PLEKHA8: variants seen among roughly 807,000 people sequenced by gnomAD.
PLEKHA8 encodes the protein pleckstrin homology domain-containing family A member 8.
PLEKHA8 carries 36 observed loss-of-function variants against 68.2 expected under a neutral mutation model. The ratio of observed to expected loss-of-function variants is 0.53; its 90% confidence interval spans 0.40 to 0.70. The LOEUF (loss-of-function observed/expected upper bound fraction) is 0.70, where lower values mean the gene tolerates loss of function less well. PLEKHA8 is among the 30% of genes least tolerant of loss of function. The probability of loss-of-function intolerance (pLI) is 0.00; values close to 1 mark genes in which losing one functional copy is unlikely to be tolerated. For missense variants in PLEKHA8, 505 were observed against 615.4 expected, an observed-to-expected ratio of 0.82 and a Z score of 1.90; for synonymous variants, 211 against 216.1, an observed-to-expected ratio of 0.98 and a Z score of 0.20.
In PLEKHA8 at chr7:30,028,459, T is replaced by C. The variant is rs1790370489; in HGVS notation, c.-304T>C. On this transcript the variant is annotated 5_prime_UTR_variant, in exon 1 of 14. Transcript: ENST00000449726. ...GACCGGCAGCTCGTTCGCCGCACTTTGGAGGCTTCGGCTGCCCCTCCGACC... is the reference window on the plus strand; with the variant it reads ...GACCGGCAGCTCGTTCGCCGCACTTCGGAGGCTTCGGCTGCCCCTCCGACC... 9 of 311,366 alleles carry C rather than the reference T, an allele frequency of 2.9e-5. No individual in the cohort carries two copies. Among genetic ancestry groups the C allele is most frequent in the Non-Finnish European group, 4.7e-5 (8 of 170,130 alleles). 19.3% of individuals were successfully genotyped at this position (311,366 alleles called of 1,614,324 possible).
At chr7:30,092,191 A>T (rs1398140728), downstream of PLEKHA8, among the ~76,000 whole-genome samples, 1 of 152,206 alleles carries the variant, frequency 6.6e-6, no homozygotes, top group African/African-American at 2.4e-5. Flanking sequence ...AAAGATTGTT[A>T]TAAGGATCAA....
intron 12 of PLEKHA8, among the ~76,000 whole-genome samples, chr7:30,071,287 G>T (rs754586500): frequency 6.6e-6 from 1 of 152,168 alleles, no homozygotes; most frequent in Admixed American, 6.5e-5. Context: ...AACCCAGTTT[G>T]CAAGCTCTGG....
chr7:30,108,076 A>AAAAAAAAAAAAAAC (rs1562553386), intron 13 of PLEKHA8, among the ~76,000 whole-genome samples: 1 of 149,986 alleles, frequency 6.7e-6, no homozygotes, highest in African/African-American at 2.5e-5. Flanking sequence ...TCAAAAAAAA[A>AAAAAAAAAAAAAAC]AAAAAAAAAA....
At chr7:30,116,713 T>G (rs1796578242) in intron 13 of PLEKHA8, among the ~76,000 whole-genome samples, 1 of 152,202 alleles carries the variant, frequency 6.6e-6, no homozygotes, top group Non-Finnish European at 1.5e-5. Flanking sequence ...ATATTTCCGG[T>G]CTCCAATTTG....
intron 12 of PLEKHA8, among the ~76,000 whole-genome samples, chr7:30,064,829 C>G (rs1035675368): frequency 1.3e-5 from 2 of 152,166 alleles, no homozygotes; most frequent in Admixed American, 1.3e-4. Flanking sequence ...GGGTTTAGCA[C>G]TGTGTGCCCA....
chr7:30,028,578 C>T lies in PLEKHA8; in HGVS notation c.-185C>T. The T allele has an allele frequency of 2.5e-6, 1 of 401,702 alleles. No homozygotes were observed. The allele number at this position is 401,702 out of a possible 1,614,324, so 24.9% of individuals were successfully genotyped here. A position where few individuals can be genotyped will look rare whatever the true frequency, so the allele number is the denominator to read the frequency against. The stretch of plus-strand genomic sequence containing the variant: ...GGCTGGGCTTCAAGCGCCGAGGCCG[C>T]CGCAGTGACCCCGCCCCCGGGCCGA... On this transcript the variant is annotated 5_prime_UTR_variant, in exon 1 of 14. Transcript: ENST00000449726.
At chr7:30,122,834 A>G (rs1231874875) in intron 13 of PLEKHA8, among the ~76,000 whole-genome samples, 1 of 152,240 alleles carries the variant, frequency 6.6e-6, no homozygotes, top group Non-Finnish European at 1.5e-5. Flanking sequence ...ACAGATGTGC[A>G]AAGTAAAGGA....
rs1393958855 is a variant in PLEKHA8, at chr7:30,081,395, A to G, written c.*2608A>G. 3 of 984,438 alleles carry G rather than the reference A, an allele frequency of 3.0e-6. No individual in the cohort carries two copies. Among genetic ancestry groups the G allele is most frequent in the Non-Finnish European group, 1.2e-6 (1 of 829,102 alleles). 61.0% of individuals were successfully genotyped at this position (984,438 alleles called of 1,614,324 possible). On this transcript the variant is annotated 3_prime_UTR_variant, in exon 14 of 14. Coordinates refer to ENST00000449726, the MANE Select transcript of PLEKHA8 (RefSeq NM_001197026.2). ...GAAATTAGAAATTGAACCTAATACTAAACAGTAAATTCAGCTTAACCTGAA... is the reference window on the plus strand; with the variant it reads ...GAAATTAGAAATTGAACCTAATACTGAACAGTAAATTCAGCTTAACCTGAA...
At chr7:30,101,733 A>G (rs867481840) in intron 13 of PLEKHA8, among the ~76,000 whole-genome samples, 1 of 152,188 alleles carries the variant, frequency 6.6e-6, no homozygotes, top group Non-Finnish European at 1.5e-5. Flanking sequence ...TACACACTGA[A>G]AACTATAAAA....
intron 13 of PLEKHA8, among the ~76,000 whole-genome samples, chr7:30,116,395 A>G (rs1255213789): frequency 1.3e-5 from 2 of 151,910 alleles, no homozygotes; most frequent in African/African-American, 4.8e-5. Flanking sequence ...GCGATTTTTC[A>G]CCTAATAGTG....
At chr7:30,093,495 C>T (rs182635546), downstream of PLEKHA8, among the ~76,000 whole-genome samples, 105 of 152,296 alleles carry the variant, frequency 6.9e-4, no homozygotes, top group Non-Finnish European at 1.2e-3. Context: ...TAAGACAGAG[C>T]GGAGGCTGGA....
intron 1 of PLEKHA8, among the ~76,000 whole-genome samples, chr7:30,039,121 GAA>G: frequency 6.6e-6 from 1 of 152,206 alleles, no homozygotes; most frequent in South Asian, 2.1e-4. Flanking sequence ...CACTATGTGA[GAA>G]AAGAATAAGC....
chr7:30,036,403 ATAGAATAGATAGATAG>A (rs1791081204), intron 1 of PLEKHA8, among the ~76,000 whole-genome samples: 1 of 143,318 alleles, frequency 7.0e-6, no homozygotes, highest in African/African-American at 2.6e-5. Context: ...ATAGGATAGG[ATAGAATAGATAGATAG>A]ATAGATAGAT....
chr7:30,069,120 A>G (rs1019459377), intron 12 of PLEKHA8, among the ~76,000 whole-genome samples: 1 of 152,188 alleles, frequency 6.6e-6, no homozygotes, highest in Non-Finnish European at 1.5e-5. Context: ...TACTATTCTA[A>G]GTGAGTTACT....
At chr7:30,103,696 G>A (rs1156855528) in intron 13 of PLEKHA8, among the ~76,000 whole-genome samples, 1 of 152,198 alleles carries the variant, frequency 6.6e-6, no homozygotes, top group African/African-American at 2.4e-5. Context: ...AATAGTGCTA[G>A]AACAACTGCT....
Position 30,079,341 on chromosome 7 carries a change from A to C in PLEKHA8, c.*554A>C. On this transcript the variant is annotated 3_prime_UTR_variant, in exon 14 of 14. Transcript: ENST00000449726. ...TAAAGATGTTCAGGGCATTCACATG[A>C]CCATGCAATTGTGGGAGGCGAAGAA... 2 of 986,044 alleles carry C rather than the reference A, an allele frequency of 2.0e-6. No homozygotes were observed. 61.1% of individuals were successfully genotyped at this position (986,044 alleles called of 1,614,324 possible).
At chr7:30,029,454 A>C (rs991388285) in intron 1 of PLEKHA8, among the ~76,000 whole-genome samples, 1 of 152,152 alleles carries the variant, frequency 6.6e-6, no homozygotes, top group Admixed American at 6.5e-5. Flanking sequence ...TGCCTTACAG[A>C]TTGGCTTTAA....
At chr7:30,091,472 A>G (rs1470982457), downstream of PLEKHA8, among the ~76,000 whole-genome samples, 1 of 151,858 alleles carries the variant, frequency 6.6e-6, no homozygotes, top group Non-Finnish European at 1.5e-5. Flanking sequence ...GCTTTATCTC[A>G]CTACATTTTT....
intron 6 of PLEKHA8, 179 bp downstream of exon 6, chr7:30,050,653 C>T (rs1401319238): frequency 2.6e-6 from 2 of 780,954 alleles, no homozygotes; most frequent in African/African-American, 1.8e-5. Flanking sequence ...CAGAGCAGAC[C>T]TTTTACTTAG....
Sources: gnomAD v4.1 joint callset for allele counts (sites outside exome capture counted in the v4.1 genomes callset) on GRCh38, gnomAD v4.1.1 for gene constraint, MANE v1.5 for transcripts, NCBI Gene and HGNC (gene_info 2026-07-23, HGNC 2026-07-21) for gene names.